Variants in MAMLD1 observed in about 807,000 individuals in gnomAD.
MAMLD1 encodes mastermind-like domain-containing protein 1.
In MAMLD1, 14 loss-of-function variants were observed where a neutral mutation model predicts 45.0. The observed-to-expected ratio is 0.31, with a 90% CI of 0.21 to 0.49. The LOEUF (loss-of-function observed/expected upper bound fraction) is 0.49, where lower values mean the gene tolerates loss of function less well. MAMLD1 is among the 20% of genes least tolerant of loss of function. The pLI, the probability that MAMLD1 is intolerant of heterozygous loss-of-function variation, is 0.99. For missense variants in MAMLD1, 543 were observed against 603.6 expected, an observed-to-expected ratio of 0.90 and a Z score of 1.05; for synonymous variants, 254 against 247.8, an observed-to-expected ratio of 1.02 and a Z score of -0.24.
At chrX:150,414,028 C>CAAAAAAAAAAGAAAAAAAAAAA (rs2034189462) in intron 1 of MAMLD1, among the ~76,000 whole-genome samples, 1 of 31,344 alleles carries the variant, frequency 3.2e-5, no homozygotes, top group Non-Finnish European at 5.0e-5. Context: ...CAGAAAACTG[C>CAAAAAAAAAAGAAAAAAAAAAA]AAAAAAAAAA....
chrX:150,403,952 G>GAAAGAAAGAAAGAAAGAAAGAA (rs2033905805), intron 1 of MAMLD1, among the ~76,000 whole-genome samples: 8 of 72,121 alleles, frequency 1.1e-4, no homozygotes, highest in Admixed American at 1.5e-4. Flanking sequence ...AAGAAAGAAA[G>GAAAGAAAGAAAGAAAGAAAGAA]AAAGAAAGAA....
chrX:150,505,774 A>G lies in MAMLD1; in HGVS notation c.2284+2257A>G, dbSNP rs181639680. On this transcript the variant is annotated intron_variant, in intron 6 of 7. Coordinates refer to ENST00000370401, the MANE Select transcript of MAMLD1 (RefSeq NM_005491.5). ...AGAGTTAGGGGGAACTTAGGAAACAATCAAAACTTGCCTGCCATTCATTTT... is the reference window on the plus strand; with the variant it reads ...AGAGTTAGGGGGAACTTAGGAAACAGTCAAAACTTGCCTGCCATTCATTTT... Among the ~76,000 whole-genome samples, 534 of 112,760 alleles carry G rather than the reference A, an allele frequency of 4.7e-3. 2 individuals carry two copies. The highest frequency in any genetic ancestry group is 0.016 in the African/African-American group (503 of 31,083).
intron 1 of MAMLD1, among the ~76,000 whole-genome samples, chrX:150,376,571 C>T (rs1371222251): frequency 9.0e-6 from 1 of 110,595 alleles, no homozygotes; most frequent in Non-Finnish European, 1.9e-5. Flanking sequence ...GCCTCCAGGC[C>T]CTCAACTCCA....
intron 1 of MAMLD1, among the ~76,000 whole-genome samples, chrX:150,433,332 G>A (rs1052888515): frequency 2.6e-4 from 29 of 111,678 alleles, no homozygotes; most frequent in African/African-American, 8.8e-4. Context: ...GCATTTTCTA[G>A]GAATAGAATA....
intron 2 of MAMLD1, among the ~76,000 whole-genome samples, chrX:150,455,167 C>T (rs1450245599): frequency 3.6e-5 from 4 of 111,977 alleles, no homozygotes; most frequent in African/African-American, 9.8e-5. Flanking sequence ...GGAACATCAA[C>T]GTGTGTTTAT....
chrX:150,451,413 C>G (rs1434945581), intron 2 of MAMLD1, among the ~76,000 whole-genome samples: 1 of 111,298 alleles, frequency 9.0e-6, no homozygotes, highest in Non-Finnish European at 1.9e-5. Context: ...CAGGGGCCAG[C>G]CCTGTGGGTG....
chrX:150,367,801 C>T (rs1368815941), intron 1 of MAMLD1, among the ~76,000 whole-genome samples: 8 of 107,419 alleles, frequency 7.4e-5, no homozygotes, highest in African/African-American at 2.4e-4. Flanking sequence ...TGAGTGAGAA[C>T]ATGCGGTGTT....
At position 150,469,776 on chromosome X, in the gene MAMLD1, A is replaced by G. The variant is rs782040753; in HGVS notation, c.203A>G (p.His68Arg). ...GTTAAGAGGAGACAAGAAGAAGACC[A>G]CTTCCAGTTTCCAGACATGGCTGAT... is the stretch of plus-strand genomic sequence containing the variant. ...GTVKRRQEED[H>R]FQFPDMADGG... Residue 68 changes from histidine (H) to arginine (R), a missense_variant, in exon 4 of 8, where the codon CAC (histidine) becomes CGC (arginine). By Grantham distance (29) the His-to-Arg change is conservative. Transcript: ENST00000370401. 9.1e-6 allele frequency: 11 copies of G among 1,208,189 alleles called. No homozygotes were observed. Among genetic ancestry groups the G allele is most frequent in the Non-Finnish European group, 1.2e-5 (11 of 894,794 alleles).
intron 1 of MAMLD1, among the ~76,000 whole-genome samples, chrX:150,381,434 T>C (rs1603219934): frequency 2.7e-5 from 3 of 112,121 alleles, no homozygotes; most frequent in Admixed American, 9.4e-5. Context: ...TGTAGAGTCA[T>C]GTGACCACAG....
rs2036502422 is a variant in MAMLD1, at chrX:150,473,808, C to A, written c.2040+6C>A. Reference sequence around the variant, plus strand: ...ACGTGTCACCGTCTAACATTGTGAGCCTTTCTGTTTTGTTTTGTCTTCAAT... The same window carrying A: ...ACGTGTCACCGTCTAACATTGTGAGACTTTCTGTTTTGTTTTGTCTTCAAT... On this transcript the variant is annotated splice_donor_region_variant and intron_variant, in intron 5 of 7. Transcript: ENST00000370401. 1.7e-6 allele frequency: 2 copies of A among 1,210,088 alleles called. No homozygotes were observed. Among genetic ancestry groups the A allele is most frequent in the East Asian group, 5.9e-5 (2 of 33,846 alleles).
At chrX:150,384,917 T>C (rs1454230190) in intron 1 of MAMLD1, among the ~76,000 whole-genome samples, 2 of 111,653 alleles carry the variant, frequency 1.8e-5, no homozygotes, top group African/African-American at 6.5e-5. Context: ...ACCATTTTTT[T>C]GTGTATATAT....
intron 1 of MAMLD1, among the ~76,000 whole-genome samples, chrX:150,398,343 G>GAAGAAGAAGAAGAAGAAAGAAGAA (rs1569564636): frequency 8.9e-5 from 5 of 56,452 alleles, no homozygotes; most frequent in African/African-American, 3.1e-4. Flanking sequence ...AAGAAGAAGA[G>GAAGAAGAAGAAGAAGAAAGAAGAA]GAAGAGGAAG....
At chrX:150,478,078 A>C (rs1340650670) in intron 5 of MAMLD1, among the ~76,000 whole-genome samples, 1 of 112,381 alleles carries the variant, frequency 8.9e-6, no homozygotes, top group Non-Finnish European at 1.9e-5. Flanking sequence ...TTGAACTTCC[A>C]AGGCTACACT....
chrX:150,496,105 A>T (rs781852682), intron 5 of MAMLD1, among the ~76,000 whole-genome samples: 3 of 112,911 alleles, frequency 2.7e-5, no homozygotes, highest in African/African-American at 9.6e-5. Context: ...TCTCCAAAGG[A>T]AATCCTGCCA....
At chrX:150,397,606 T>C (rs782289533) in intron 1 of MAMLD1, among the ~76,000 whole-genome samples, 10 of 111,548 alleles carry the variant, frequency 9.0e-5, no homozygotes, top group Non-Finnish European at 1.9e-4. Flanking sequence ...TTTGTGACAG[T>C]TCATCCCACC....
At chrX:150,464,730 C>T (rs782096720) in intron 3 of MAMLD1, among the ~76,000 whole-genome samples, 1 of 112,079 alleles carries the variant, frequency 8.9e-6, no homozygotes, top group African/African-American at 3.2e-5. Context: ...TGCCCCACGA[C>T]ATCTTCATTA....
At chrX:150,389,277 G>A (rs782406141) in intron 1 of MAMLD1, among the ~76,000 whole-genome samples, 8 of 111,352 alleles carry the variant, frequency 7.2e-5, no homozygotes, top group African/African-American at 6.5e-5. Context: ...GAACTCCTGA[G>A]CTCAGGCAAT....
At chrX:150,479,457 T>C (rs1055325815) in intron 5 of MAMLD1, among the ~76,000 whole-genome samples, 3 of 112,485 alleles carry the variant, frequency 2.7e-5, no homozygotes, top group Non-Finnish European at 5.6e-5. Flanking sequence ...AAGTTTTTTG[T>C]TTTGTTTTTT....
At chrX:150,443,390 TTTTTA>T (rs77742506) in intron 1 of MAMLD1, among the ~76,000 whole-genome samples, 20 of 106,835 alleles carry the variant, frequency 1.9e-4, no homozygotes, top group African/African-American at 6.5e-4. Flanking sequence ...TGATCATTTC[TTTTTA>T]TTTTATTTTA....
Sources: allele counts gnomAD v4.1 joint callset (sites outside exome capture counted in the v4.1 genomes callset), GRCh38; gene constraint gnomAD v4.1.1; transcripts MANE v1.5; gene names NCBI Gene and HGNC (gene_info 2026-07-23, HGNC 2026-07-21).